Variants in PCDH15 observed in about 807,000 individuals in gnomAD.
PCDH15 encodes protocadherin-15.
Under a neutral mutation model 178.5 loss-of-function variants are expected in PCDH15, and 129 were observed. That is an observed-to-expected ratio of 0.72 (90% CI 0.63 to 0.84). The LOEUF is 0.84. PCDH15 is among the 40% of genes least tolerant of loss of function. The pLI is 0.00. For missense variants in PCDH15, 2,230 were observed against 2,099.9 expected, an observed-to-expected ratio of 1.06 and a Z score of -1.21; for synonymous variants, 800 against 732.0, an observed-to-expected ratio of 1.09 and a Z score of -1.50.
At chr10:54,870,595 C>T (rs1037191904) in intron 3 of PCDH15, among the ~76,000 whole-genome samples, 4 of 151,938 alleles carry the variant, frequency 2.6e-5, no homozygotes, top group Non-Finnish European at 5.9e-5. Flanking sequence ...CCCATCCTGG[C>T]TAACACGGTG....
intron 14 of PCDH15, among the ~76,000 whole-genome samples, chr10:54,152,445 A>C (rs369895134): frequency 6.6e-6 from 1 of 152,016 alleles, no homozygotes; most frequent in Non-Finnish European, 1.5e-5. Context: ...GGAATATTAC[A>C]TAACTGTGAA....
At chr10:55,353,419 T>C (rs1186945534) in intron 2 of PCDH15, among the ~76,000 whole-genome samples, 1 of 152,174 alleles carries the variant, frequency 6.6e-6, no homozygotes, top group African/African-American at 2.4e-5. Context: ...TGGAGAATGT[T>C]AGTGGAAAGA....
intron 2 of PCDH15, among the ~76,000 whole-genome samples, chr10:55,016,440 C>T (rs1375163648): frequency 2.6e-5 from 4 of 152,114 alleles, no homozygotes; most frequent in Non-Finnish European, 2.9e-5. Context: ...ACTGGCATTC[C>T]ACTCTTTATC....
intron 6 of PCDH15, among the ~76,000 whole-genome samples, chr10:54,331,983 G>A (rs1416956929): frequency 6.6e-6 from 1 of 151,292 alleles, no homozygotes; most frequent in Non-Finnish European, 1.5e-5. Context: ...CCCTTTTCAG[G>A]TTATAGAAGT....
At chr10:54,532,671 CTTT>C (rs1431037524) in intron 2 of PCDH15, among the ~76,000 whole-genome samples, 2 of 151,660 alleles carry the variant, frequency 1.3e-5, no homozygotes, top group Non-Finnish European at 2.9e-5. Flanking sequence ...TCCCTTTTTT[CTTT>C]TTAATTTTTC....
At position 54,884,469 on chromosome 10, in the gene PCDH15, A is replaced by AAG. The variant is rs750470667; in HGVS notation, c.-29+12980_-29+12981insCT. On this transcript the variant is annotated intron_variant, in intron 3 of 5. Transcript: ENST00000458638. The stretch of plus-strand genomic sequence containing the variant: ...AAAACATAGATTCATCATGAGCAGA[A>AAG]TACTAAGATAGGTGTGTGTGTGTGT... 1.0e-3 allele frequency among the ~76,000 whole-genome samples: 137 copies of AAG among 133,650 alleles called. 1 individual carries two copies. The highest frequency in any genetic ancestry group is 4.9e-3 in the South Asian group (17 of 3,492). 87.7% of individuals were successfully genotyped at this position (133,650 alleles called of 152,430 possible).
At chr10:55,046,450 T>G (rs548082341) in intron 2 of PCDH15, among the ~76,000 whole-genome samples, 86 of 152,140 alleles carry the variant, frequency 5.7e-4, no homozygotes, top group African/African-American at 1.9e-3. Context: ...TTCAACTTCA[T>G]TATACATTTT....
At chr10:54,075,395 TC>T (rs1482510091) in intron 17 of PCDH15, among the ~76,000 whole-genome samples, 2 of 151,444 alleles carry the variant, frequency 1.3e-5, no homozygotes, top group Admixed American at 6.6e-5. Flanking sequence ...AAAAAAAAGA[TC>T]TATATATTTT....
At chr10:55,201,593 C>G (rs1200428023) in intron 1 of PCDH15, among the ~76,000 whole-genome samples, 2 of 152,118 alleles carry the variant, frequency 1.3e-5, no homozygotes, top group Non-Finnish European at 2.9e-5. Flanking sequence ...GATGCTTTGG[C>G]AGAAAGATAT....
chr10:53,839,824 C>T (rs1020270771), intron 29 of PCDH15, among the ~76,000 whole-genome samples: 8 of 151,988 alleles, frequency 5.3e-5, no homozygotes, highest in Admixed American at 1.3e-4. Flanking sequence ...TCACATAGAG[C>T]ATGAACTTAA....
At chr10:54,170,435 G>A (rs1345364132) in intron 13 of PCDH15, among the ~76,000 whole-genome samples, 1 of 151,700 alleles carries the variant, frequency 6.6e-6, no homozygotes, top group Non-Finnish European at 1.5e-5. Flanking sequence ...ACTTTTAGAG[G>A]CCCTCAAAAT....
rs560695926 is a variant in PCDH15 at position 53,847,992 on chromosome 10, C to T, written c.3807-7496G>A. Among the ~76,000 whole-genome samples, 66 of 152,014 alleles carry T rather than the reference C, an allele frequency of 4.3e-4. 1 individual carries two copies. In the South Asian group the frequency reaches 0.012, roughly 28 times the overall value. On this transcript the variant is annotated intron_variant, in intron 28 of 37. Coordinates refer to ENST00000644397, the MANE Select transcript of PCDH15 (RefSeq NM_001384140.1). ...AAATATAATTTATGACTTTCTGATA[C>T]AAACGGAATTCTCTTGCATAAACAT...
chr10:55,626,719 T>A (rs1837537347), intron 2 of PCDH15, among the ~76,000 whole-genome samples: 1 of 151,984 alleles, frequency 6.6e-6, no homozygotes, highest in Non-Finnish European at 1.5e-5. Context: ...TGTGTAAGAG[T>A]TGGGAACAAT....
At chr10:54,047,384 T>C (rs146941878) in intron 18 of PCDH15, among the ~76,000 whole-genome samples, 1,725 of 148,380 alleles carry the variant, frequency 0.012, 19 homozygotes, top group African/African-American at 0.025. Flanking sequence ...GTGGGGGTGA[T>C]AATCACTTTT....
At chr10:55,590,351 T>C (rs1203322310) in intron 2 of PCDH15, among the ~76,000 whole-genome samples, 1 of 147,188 alleles carries the variant, frequency 6.8e-6, no homozygotes, top group Non-Finnish European at 1.5e-5. Flanking sequence ...TTAGGAGATA[T>C]ACCTAATGCT....
intron 21 of PCDH15, among the ~76,000 whole-genome samples, chr10:53,993,106 A>G (rs953700194): frequency 2.0e-5 from 3 of 152,236 alleles, no homozygotes; most frequent in South Asian, 2.1e-4. Context: ...TTGCTTAATA[A>G]TAGTAATACC....
chr10:54,887,182 G>A, intron 3 of PCDH15, among the ~76,000 whole-genome samples: 1 of 152,118 alleles, frequency 6.6e-6, no homozygotes, highest in South Asian at 2.1e-4. Context: ...ATCCAATTCT[G>A]TTGAAACATC....
chr10:55,530,361 A>G (rs1841421844), intron 2 of PCDH15, among the ~76,000 whole-genome samples: 3 of 151,852 alleles, frequency 2.0e-5, no homozygotes, highest in South Asian at 2.1e-4. Flanking sequence ...TCACATATGA[A>G]TTTTAAAAAA....
chr10:55,501,767 G>T (rs1169541608), intron 2 of PCDH15, among the ~76,000 whole-genome samples: 1 of 151,638 alleles, frequency 6.6e-6, no homozygotes, highest in Non-Finnish European at 1.5e-5. Flanking sequence ...AAGAGGCATT[G>T]TTTAAAGCAC....
Sources: allele counts gnomAD v4.1 joint callset (sites outside exome capture counted in the v4.1 genomes callset), GRCh38; gene constraint gnomAD v4.1.1; transcripts MANE v1.5; gene names NCBI Gene and HGNC (gene_info 2026-07-23, HGNC 2026-07-21).